Variants in CREB5 observed in about 807,000 individuals in gnomAD.
The protein encoded by CREB5 is cyclic AMP-responsive element-binding protein 5.
In CREB5, 19 loss-of-function variants were observed where a neutral mutation model predicts 57.1. The observed-to-expected ratio is 0.33, with a 90% CI of 0.23 to 0.49. The LOEUF is 0.49. Ranked by LOEUF, CREB5 falls within the 20% of genes least tolerant of loss-of-function variation. The pLI is 0.99. For synonymous variants in CREB5, 238 were observed against 238.3 expected, an observed-to-expected ratio of 1.00 and a Z score of 0.01; for missense variants, 579 against 671.6, an observed-to-expected ratio of 0.86 and a Z score of 1.52.
chr7:28,825,511 A>C lies in CREB5; in HGVS notation c.*6232A>C, dbSNP rs903624333. The C allele has an allele frequency of 1.3e-5, 2 of 152,652 alleles. No homozygotes were observed. Among genetic ancestry groups the C allele is most frequent in the African/African-American group, 4.8e-5 (2 of 41,464 alleles). 9.5% of individuals were successfully genotyped at this position (152,652 alleles called of 1,614,324 possible). A position where few individuals can be genotyped will look rare whatever the true frequency, so the allele number is the denominator to read the frequency against. On this transcript the variant is annotated 3_prime_UTR_variant, in exon 11 of 11. Transcript: ENST00000357727. The stretch of plus-strand genomic sequence containing the variant: ...AAGAAAAAAGTTTAGCACTGTGTAA[A>C]GTAAGTGTTAACTGAGGAAGTCCCA...
chr7:28,610,686 C>T (rs910113930), intron 5 of CREB5, among the ~76,000 whole-genome samples: 3 of 152,116 alleles, frequency 2.0e-5, no homozygotes, highest in African/African-American at 7.2e-5. Flanking sequence ...GCTCAGGGAC[C>T]TCAGGTAAGG....
chr7:28,560,478 A>G (rs1043199318), intron 4 of CREB5, among the ~76,000 whole-genome samples: 3 of 152,098 alleles, frequency 2.0e-5, no homozygotes, highest in African/African-American at 7.2e-5. Context: ...AATTACATCA[A>G]TTAATTGGAG....
intron 5 of CREB5, among the ~76,000 whole-genome samples, chr7:28,607,198 A>T (rs145905994): frequency 1.5e-3 from 234 of 152,300 alleles, no homozygotes; most frequent in African/African-American, 5.2e-3. Flanking sequence ...TCATCTTTTT[A>T]GACCTATTTT....
chr7:28,388,835 C>T (rs1787159198), intron 1 of CREB5, among the ~76,000 whole-genome samples: 1 of 152,122 alleles, frequency 6.6e-6, no homozygotes, highest in South Asian at 2.1e-4. Context: ...GTAAATTTCT[C>T]CCAAATTATG....
intron 7 of CREB5, among the ~76,000 whole-genome samples, chr7:28,756,691 C>T (rs550023080): frequency 5.3e-4 from 81 of 152,276 alleles, no homozygotes; most frequent in African/African-American, 1.9e-3. Context: ...CCCTAACCAC[C>T]ATGACTACCA....
chr7:28,589,751 C>T lies in CREB5; in HGVS notation c.464+19214C>T, dbSNP rs114935634. On this transcript the variant is annotated intron_variant, in intron 5 of 10. Transcript: ENST00000357727. ...ATGAAAAAAGATTCTGTAATATCCA[C>T]GGTTTGTATATTTAGGTAGTGAGTA... Among the ~76,000 whole-genome samples the T allele has an allele frequency of 4.3e-3, 645 of 151,630 alleles. 7 individuals carry two copies. Among genetic ancestry groups the T allele is most frequent in the African/African-American group, 0.015 (612 of 41,246 alleles).
intron 5 of CREB5, among the ~76,000 whole-genome samples, chr7:28,672,613 A>G (rs1800105261): frequency 6.6e-6 from 1 of 152,074 alleles, no homozygotes; most frequent in Non-Finnish European, 1.5e-5. Flanking sequence ...AGGCTGACAT[A>G]TTGTTCAGTT....
chr7:28,742,869 A>G (rs946808744), intron 7 of CREB5, among the ~76,000 whole-genome samples: 4 of 151,946 alleles, frequency 2.6e-5, no homozygotes, highest in African/African-American at 9.7e-5. Context: ...TGCAACCTCT[A>G]CCTTCCAGAT....
chr7:28,816,732 A>G (rs989377171), intron 9 of CREB5, among the ~76,000 whole-genome samples: 3 of 152,386 alleles, frequency 2.0e-5, no homozygotes, highest in African/African-American at 7.2e-5. Context: ...TGATAAATAC[A>G]TGGCTGAAAA....
chr7:28,637,090 G>T (rs145259197), intron 5 of CREB5, among the ~76,000 whole-genome samples: 1,938 of 152,190 alleles, frequency 0.013, 24 homozygotes, highest in Non-Finnish European at 0.021. Flanking sequence ...GGAGGATGAG[G>T]CTGCAGTGAG....
At chr7:28,669,238 A>C (rs897367699) in intron 5 of CREB5, among the ~76,000 whole-genome samples, 3 of 152,216 alleles carry the variant, frequency 2.0e-5, no homozygotes, top group African/African-American at 7.2e-5. Flanking sequence ...GCCAAAACTT[A>C]CAGGGTACGT....
At chr7:28,507,489 A>G (rs886821829) in intron 3 of CREB5, 127 bp from the exon 4 acceptor site, 2 of 1,130,686 alleles carry the variant, frequency 1.8e-6, no homozygotes, top group Non-Finnish European at 2.5e-6. Context: ...TTAAAGGGCC[A>G]AGAGACTGGA....
At chr7:28,799,464 C>T (rs1808241755) in intron 7 of CREB5, among the ~76,000 whole-genome samples, 1 of 152,178 alleles carries the variant, frequency 6.6e-6, no homozygotes, top group African/African-American at 2.4e-5. Flanking sequence ...GCATTGCTAG[C>T]ATTATTGTCT....
intron 1 of CREB5, among the ~76,000 whole-genome samples, chr7:28,368,642 C>A (rs1262057624): frequency 6.6e-6 from 1 of 152,212 alleles, no homozygotes; most frequent in Non-Finnish European, 1.5e-5. Context: ...ATTGCTACCT[C>A]ATTTTCTTTC....
chr7:28,733,031 G>A (rs1206687175), intron 7 of CREB5, among the ~76,000 whole-genome samples: 1 of 152,006 alleles, frequency 6.6e-6, no homozygotes, highest in Non-Finnish European at 1.5e-5. Flanking sequence ...AGGATACTTA[G>A]GTCCCAGACA....
intron 5 of CREB5, among the ~76,000 whole-genome samples, chr7:28,636,706 A>G (rs76124428): frequency 6.4e-4 from 98 of 152,258 alleles, no homozygotes; most frequent in African/African-American, 2.3e-3. Context: ...TGTGTTCTAT[A>G]TGCTATTTAT....
At chr7:28,409,973 C>T (rs777315268), upstream of CREB5, 2 of 454,658 alleles carry the variant, frequency 4.4e-6, no homozygotes, top group Middle Eastern at 3.2e-4. The surrounding 1 kb of genome is among the most constrained non-coding windows in gnomAD (Gnocchi z 4.4). Context: ...CCTCCCCCCG[C>T]GTCCCCAGCT....
At chr7:28,536,444 C>T (rs1793970418) in intron 4 of CREB5, among the ~76,000 whole-genome samples, 1 of 152,202 alleles carries the variant, frequency 6.6e-6, no homozygotes, top group South Asian at 2.1e-4. Context: ...CTCAGTGATT[C>T]TCCTAGTGGT....
At chr7:28,470,428 G>A (rs574785667) in intron 1 of CREB5, among the ~76,000 whole-genome samples, 1 of 152,214 alleles carries the variant, frequency 6.6e-6, no homozygotes, top group East Asian at 1.9e-4. Flanking sequence ...TGGCTGAATA[G>A]TACTCCATTG....
Sources: gnomAD v4.1 joint callset for allele counts (sites outside exome capture counted in the v4.1 genomes callset) on GRCh38, gnomAD v4.1.1 for gene constraint, Gnocchi (gnomAD v3.1) non-coding constraint, MANE v1.5 for transcripts, NCBI Gene and HGNC (gene_info 2026-07-23, HGNC 2026-07-21) for gene names.